LOC400499: variants seen among roughly 807,000 people sequenced by gnomAD.
At chr16:11,444,032 G>A in the LOC400499 span, among the ~76,000 whole-genome samples, 1 of 152,042 alleles carries the variant, frequency 6.6e-6, no homozygotes, top group African/African-American at 2.4e-5. Flanking sequence ...GTAGAGATGG[G>A]GTTTTACCAT....
At chr16:11,522,556 A>ACAAT in the LOC400499 span, among the ~76,000 whole-genome samples, 5 of 152,226 alleles carry the variant, frequency 3.3e-5, no homozygotes, top group African/African-American at 1.2e-4. Context: ...AGGGAGGGCC[A>ACAAT]CAATCACCCC....
chr16:11,491,062 A>C, the LOC400499 span, among the ~76,000 whole-genome samples: 1 of 152,042 alleles, frequency 6.6e-6, no homozygotes, highest in Admixed American at 6.6e-5. Context: ...TGCTCACAAC[A>C]CTCTATGAGG....
the LOC400499 span, among the ~76,000 whole-genome samples, chr16:11,501,636 G>A: frequency 6.6e-6 from 1 of 152,060 alleles, no homozygotes; most frequent in Non-Finnish European, 1.5e-5. Flanking sequence ...TCCCCTCTGA[G>A]ATTGGGAGTC....
At chr16:11,410,206 C>T in the LOC400499 span, among the ~76,000 whole-genome samples, 2 of 152,308 alleles carry the variant, frequency 1.3e-5, no homozygotes, top group Admixed American at 1.3e-4. Context: ...GTAATCCCAA[C>T]ACTTTGGGAG....
chr16:11,473,069 T>C, the LOC400499 span: 2 of 151,804 alleles, frequency 1.3e-5, no homozygotes, highest in African/African-American at 2.4e-5. Context: ...AGAGCCGAGA[T>C]TGCGCCACTG....
At chr16:11,496,067 C>CTT in the LOC400499 span, among the ~76,000 whole-genome samples, 108 of 145,416 alleles carry the variant, frequency 7.4e-4, no homozygotes, top group Admixed American at 9.6e-4. Flanking sequence ...TAGCTCTGTC[C>CTT]TTTTTTTTTT....
the LOC400499 span, chr16:11,398,597 G>C: frequency 4.9e-6 from 5 of 1,018,204 alleles, no homozygotes; most frequent in Non-Finnish European, 5.0e-6. Flanking sequence ...ACCTAGGCAA[G>C]AGCATGTGCC....
chr16:11,515,113 C>T, the LOC400499 span, among the ~76,000 whole-genome samples: 1 of 152,100 alleles, frequency 6.6e-6, no homozygotes. Context: ...CAAGATCAGC[C>T]TGGGCAACAT....
chr16:11,408,551 A>G, the LOC400499 span, among the ~76,000 whole-genome samples: 50,095 of 150,124 alleles, frequency 0.33, 8,623 homozygotes, highest in South Asian at 0.39. Flanking sequence ...TGCAGCCTCA[A>G]CCTCCTGGGC....
chr16:11,403,596 C>A, the LOC400499 span, among the ~76,000 whole-genome samples: 4 of 152,176 alleles, frequency 2.6e-5, no homozygotes, highest in African/African-American at 9.7e-5. Context: ...TGGGAGGATT[C>A]CATCAGGCCA....
At chr16:11,430,136 G>A in the LOC400499 span, among the ~76,000 whole-genome samples, 2 of 152,168 alleles carry the variant, frequency 1.3e-5, no homozygotes, top group African/African-American at 2.4e-5. Context: ...ATCGGGAAGT[G>A]TCACTCAAAC....
chr16:11,386,090 C>T, the LOC400499 span, among the ~76,000 whole-genome samples: 41 of 152,278 alleles, frequency 2.7e-4, no homozygotes, highest in African/African-American at 8.9e-4. Flanking sequence ...AAGCTGCTGG[C>T]GGGGATGGGG....
the LOC400499 span, chr16:11,411,249 A>AGCTGAG: frequency 9.5e-5 from 38 of 399,238 alleles, no homozygotes; most frequent in Admixed American, 2.6e-4. Flanking sequence ...CAGTTACCTT[A>AGCTGAG]GCTGAGGCTG....
the LOC400499 span, among the ~76,000 whole-genome samples, chr16:11,525,014 G>A: frequency 6.6e-6 from 1 of 152,160 alleles, no homozygotes; most frequent in East Asian, 1.9e-4. Flanking sequence ...CCTGGGTACG[G>A]TGGCTCATGC....
chr16:11,469,706 C>A, the LOC400499 span: 1 of 399,000 alleles, frequency 2.5e-6, no homozygotes, highest in Non-Finnish European at 4.4e-6. Flanking sequence ...GAGCCTCCAC[C>A]TGTACCCTTC....
At chr16:11,377,062 T>C in the LOC400499 span, among the ~76,000 whole-genome samples, 9 of 151,962 alleles carry the variant, frequency 5.9e-5, no homozygotes, top group African/African-American at 1.9e-4. Flanking sequence ...CAAGTGATCC[T>C]CCTGCCTCAG....
chr16:11,416,891 G>C, the LOC400499 span, among the ~76,000 whole-genome samples: 2 of 152,234 alleles, frequency 1.3e-5, no homozygotes, highest in South Asian at 4.1e-4. Context: ...GAGGTCAGAT[G>C]GGGGAAGGGT....
the LOC400499 span, among the ~76,000 whole-genome samples, chr16:11,483,635 G>C: frequency 6.6e-6 from 1 of 151,736 alleles, no homozygotes; most frequent in Non-Finnish European, 1.5e-5. Context: ...AGAGGCCAAG[G>C]CAGGAGGATT....
the LOC400499 span, chr16:11,448,860 G>T: frequency 7.6e-7 from 1 of 1,320,946 alleles, no homozygotes; most frequent in Non-Finnish European, 9.9e-7. Context: ...GAGAGAGGTA[G>T]GAAACCGAGG....
Sources: allele counts gnomAD v4.1 joint callset (sites outside exome capture counted in the v4.1 genomes callset), GRCh38; gene constraint gnomAD v4.1.1; transcripts MANE v1.5.